Variants in PCDHGB4 observed in about 807,000 individuals in gnomAD.
PCDHGB4 encodes protocadherin gamma subfamily B, 4, also known as protocadherin gamma-B4.
A neutral mutation model predicts 60.5 loss-of-function variants in PCDHGB4; 38 were observed. The observed-to-expected ratio is 0.63, with a 90% confidence interval of 0.48 to 0.82. The LOEUF is 0.82. PCDHGB4 is among the 40% of genes least tolerant of loss of function. The pLI, the probability that PCDHGB4 is intolerant of heterozygous loss-of-function variation, is 0.00. For missense variants in PCDHGB4, 1,109 were observed against 1,209.6 expected (o/e 0.92, Z 1.23); for synonymous variants, 456 against 509.7 (o/e 0.89, Z 1.42).
At chr5:141,428,197 G>C in intron 1 of PCDHGB4, 3 of 1,385,972 alleles carry the variant, frequency 2.2e-6, no homozygotes, top group Non-Finnish European at 3.0e-6. Flanking sequence ...CGCTCTCTGC[G>C]CCGCTACGCT....
In PCDHGB4 at chr5:141,418,939, C is replaced by T. The variant is rs766248741; in HGVS notation, c.2397+28658C>T. The T allele has an allele frequency of 8.7e-6, 14 of 1,613,642 alleles. No individual in the cohort carries two copies. In the African/African-American group the frequency reaches 1.7e-4, roughly 20 times the overall value. On this transcript the variant is annotated intron_variant, in intron 1 of 3. Transcript: ENST00000519479. ...TCTCTGATCAGATTATGGAGGATTC[C>T]CCTCCAGGAGTGGTTGTTGCCCTCT...
intron 1 of PCDHGB4, among the ~76,000 whole-genome samples, chr5:141,460,963 G>A (rs760674165): frequency 3.0e-4 from 27 of 89,804 alleles, no homozygotes; most frequent in Admixed American, 4.3e-4. Context: ...ATATATATAT[G>A]TGTGTGTGTG....
At chr5:141,441,820 G>A in intron 1 of PCDHGB4, 1 of 359,390 alleles carries the variant, frequency 2.8e-6, no homozygotes, top group Non-Finnish European at 5.5e-6. Flanking sequence ...CCCAGCTCTG[G>A]AGCGCAATGG....
intron 1 of PCDHGB4, among the ~76,000 whole-genome samples, chr5:141,454,703 A>C (rs933041937): frequency 1.3e-5 from 2 of 150,198 alleles, no homozygotes; most frequent in African/African-American, 4.9e-5. Flanking sequence ...ACCATGCTCC[A>C]CCTGCTTATT....
chr5:141,397,168 T>C (rs997043690), intron 1 of PCDHGB4, among the ~76,000 whole-genome samples: 3 of 152,202 alleles, frequency 2.0e-5, no homozygotes, highest in Non-Finnish European at 4.4e-5. Context: ...CCAATAACTC[T>C]TAAGAATGAA....
intron 1 of PCDHGB4, among the ~76,000 whole-genome samples, chr5:141,467,404 C>T (rs1032912609): frequency 1.3e-5 from 2 of 151,864 alleles, no homozygotes; most frequent in African/African-American, 4.8e-5. Context: ...AGTTAGAAAG[C>T]CTTTCCCCAC....
Position 141,419,305 on chromosome 5 carries a change from G to A in PCDHGB4, c.2397+29024G>A, listed in dbSNP as rs778360128. ...TCAGTGCCTCTGACCCAGACTTCGGGCTCAACGGCCGTGTCTCCTACTCTC... is the reference window on the plus strand; with the variant it reads ...TCAGTGCCTCTGACCCAGACTTCGGACTCAACGGCCGTGTCTCCTACTCTC... On this transcript the variant is annotated intron_variant, in intron 1 of 3. Transcript: ENST00000519479. The A allele has an allele frequency of 3.1e-6, 5 of 1,613,906 alleles. No individual in the cohort carries two copies. The East Asian group carries it at 1.1e-4, about 36-fold the overall frequency.
rs200843744 is a variant in PCDHGB4, at chr5:141,491,417, G to C, written c.2398-3390G>C. 18 of 1,613,988 alleles carry C rather than the reference G, an allele frequency of 1.1e-5. No individual in the cohort carries two copies. Among genetic ancestry groups the C allele is most frequent in the Admixed American group, 5.0e-5 (3 of 60,006 alleles). ...CAGGGAAACGCAGACGGGGACGGGGGTGGAGGGCAGTGCTGCAGGCGCCAG... is the reference window on the plus strand; with the variant it reads ...CAGGGAAACGCAGACGGGGACGGGGCTGGAGGGCAGTGCTGCAGGCGCCAG... On this transcript the variant is annotated intron_variant, in intron 1 of 3. Transcript: ENST00000519479. This position sits in a 1 kb window ranked among gnomAD's most constrained non-coding sequence, Gnocchi z 6.9.
intron 1 of PCDHGB4, among the ~76,000 whole-genome samples, chr5:141,448,772 G>C (rs1034550563): frequency 1.5e-4 from 22 of 151,272 alleles, no homozygotes; most frequent in African/African-American, 3.7e-4. Context: ...AACCCCGTCT[G>C]TACTAAAAAT....
At chr5:141,459,236 G>A (rs1248794102) in intron 1 of PCDHGB4, among the ~76,000 whole-genome samples, 2 of 152,176 alleles carry the variant, frequency 1.3e-5, no homozygotes, top group African/African-American at 2.4e-5. Context: ...CAACTGGTCT[G>A]CTTCCTGTCA....
chr5:141,469,005 G>A (rs1011079995), intron 1 of PCDHGB4, among the ~76,000 whole-genome samples: 7 of 151,814 alleles, frequency 4.6e-5, no homozygotes, highest in South Asian at 2.1e-4. Context: ...TGCTGGGTGC[G>A]GTGGGTCACT....
chr5:141,415,744 T>TG (rs2095925177), intron 1 of PCDHGB4: 4 of 404,428 alleles, frequency 9.9e-6, no homozygotes, highest in Admixed American at 2.1e-4. Flanking sequence ...ATTAAGGTTT[T>TG]TTTTTTTTTT....
rs1554116817 is a variant in PCDHGB4 at position 141,423,755 on chromosome 5, G to GGC, written c.2397+33475_2397+33476insCG. 3 of 512,420 alleles carry GGC rather than the reference G, an allele frequency of 5.9e-6. No individual in the cohort carries two copies. The African/African-American group carries it at 8.1e-5, about 14-fold the overall frequency. 31.7% of individuals were successfully genotyped at this position (512,420 alleles called of 1,614,324 possible). A position where few individuals can be genotyped will look rare whatever the true frequency, so the allele number is the denominator to read the frequency against. On this transcript the variant is annotated intron_variant, in intron 1 of 3. Coordinates refer to ENST00000519479, the MANE Select transcript of PCDHGB4 (RefSeq NM_003736.4). ...AGCCTGTTATGAAAACTGTTTGGGGGGGGGGTGGGGCGGCATATATTTAGT... is the reference window on the plus strand; with the variant it reads ...AGCCTGTTATGAAAACTGTTTGGGGGGCGGGGGTGGGGCGGCATATATTTAGT...
In PCDHGB4 at chr5:141,485,979, C is replaced by G; in HGVS notation, c.2398-8828C>G. 1 of 1,614,182 alleles carries G rather than the reference C, an allele frequency of 6.2e-7. No individual in the cohort carries two copies. Among genetic ancestry groups the G allele is most frequent in the Non-Finnish European group, 8.5e-7 (1 of 1,180,022 alleles). On this transcript the variant is annotated intron_variant, in intron 1 of 3. Coordinates refer to ENST00000519479, the MANE Select transcript of PCDHGB4 (RefSeq NM_003736.4). The surrounding 1 kb of genome is among the most constrained non-coding windows in gnomAD (Gnocchi z 5.7). ...CTCATCCAGCTCAATGCCTCAGACC[C>G]GGACCTGGGTCCCAGTGGTAACGTC...
intron 2 of PCDHGB4, among the ~76,000 whole-genome samples, chr5:141,503,269 C>T (rs1161751693): frequency 6.6e-6 from 1 of 152,116 alleles, no homozygotes; most frequent in Non-Finnish European, 1.5e-5. Flanking sequence ...ACCCCAGCAC[C>T]TGGCTCTGTG....
intron 1 of PCDHGB4, chr5:141,400,092 G>A (rs2093959231): frequency 6.2e-7 from 1 of 1,613,942 alleles, no homozygotes; most frequent in South Asian, 1.1e-5. Context: ...CCACCGCCAC[G>A]CTGCACTTGG....
At position 141,487,565 on chromosome 5, in the gene PCDHGB4, G is replaced by A. The variant is rs1473034794; in HGVS notation, c.2398-7242G>A. ...GTCACCCAGTGCACCTATGGCAGGGGAGCCTGTTCGCCCAAGCTGCCCACC... is the reference window on the plus strand; with the variant it reads ...GTCACCCAGTGCACCTATGGCAGGGAAGCCTGTTCGCCCAAGCTGCCCACC... On this transcript the variant is annotated intron_variant, in intron 1 of 3. Transcript: ENST00000519479. This position sits in a 1 kb window ranked among gnomAD's most constrained non-coding sequence, Gnocchi z 5.0. The A allele has an allele frequency of 6.2e-7, 1 of 1,614,164 alleles. No individual in the cohort carries two copies. Among genetic ancestry groups the A allele is most frequent in the East Asian group, 2.2e-5 (1 of 44,856 alleles).
intron 1 of PCDHGB4, among the ~76,000 whole-genome samples, chr5:141,446,193 T>C (rs1402824950): frequency 6.6e-6 from 1 of 152,208 alleles, no homozygotes; most frequent in East Asian, 1.9e-4. Flanking sequence ...TTTATTATTA[T>C]ATTCCTAGGT....
rs369595307 is a variant in PCDHGB4, at chr5:141,394,005, A to G, written c.2397+3724A>G. On this transcript the variant is annotated intron_variant, in intron 1 of 3. Coordinates refer to ENST00000519479, the MANE Select transcript of PCDHGB4 (RefSeq NM_003736.4). ...TTTACCTTTTAAATTAGAAAAGTCA[A>G]TAGGTAATTATTATAGATTAGTGAC... 52 of 1,613,340 alleles carry G rather than the reference A, an allele frequency of 3.2e-5. No individual in the cohort carries two copies. In the African/African-American group the frequency reaches 5.6e-4, roughly 17 times the overall value.
Sources: allele counts gnomAD v4.1 joint callset (sites outside exome capture counted in the v4.1 genomes callset), GRCh38; gene constraint gnomAD v4.1.1; non-coding constraint Gnocchi (gnomAD v3.1); transcripts MANE v1.5; gene names NCBI Gene and HGNC (gene_info 2026-07-23, HGNC 2026-07-21).